The following MNAT1 variants were observed in gnomAD, a reference collection of about 807,000 sequenced individuals.
The protein encoded by MNAT1 is MNAT1 component of CDK activating kinase.
A neutral mutation model predicts 42.0 loss-of-function variants in MNAT1; 43 were observed. The ratio of observed to expected loss-of-function variants is 1.02; its 90% CI spans 0.80 to 1.32. MNAT1 has a LOEUF of 1.32. MNAT1 is among the 40% of genes most tolerant of loss of function. The probability of loss-of-function intolerance (pLI) is 0.00; values close to 1 mark genes in which losing one functional copy is unlikely to be tolerated. For synonymous variants in MNAT1, 118 were observed against 120.0 expected (o/e 0.98, Z 0.11); for missense variants, 306 against 350.4 (o/e 0.87, Z 1.01).
At chr14:60,843,562 G>A (rs1456892925) in intron 6 of MNAT1, among the ~76,000 whole-genome samples, 2 of 152,034 alleles carry the variant, frequency 1.3e-5, no homozygotes, top group Non-Finnish European at 2.9e-5. Context: ...GAGCCACTGC[G>A]TCCGGCCTCG....
intron 7 of MNAT1, among the ~76,000 whole-genome samples, chr14:60,897,964 T>G (rs1032109485): frequency 6.6e-6 from 1 of 152,158 alleles, no homozygotes; most frequent in African/African-American, 2.4e-5. Flanking sequence ...CAAGTTTTTA[T>G]GTGAGTGAGA....
intron 6 of MNAT1, among the ~76,000 whole-genome samples, chr14:60,870,789 T>C (rs373148300): frequency 6.6e-6 from 1 of 152,292 alleles, no homozygotes. Context: ...AAATATACAA[T>C]GTATTGATTG....
intron 3 of MNAT1, 79 bp from the exon 4 acceptor site, chr14:60,808,246 T>G (rs2032438369): frequency 2.5e-6 from 2 of 806,184 alleles, no homozygotes; most frequent in Non-Finnish European, 3.9e-6. Context: ...AATGAGTCAC[T>G]GTGGTATTTG....
chr14:60,791,946 A>G (rs938769310), intron 1 of MNAT1, among the ~76,000 whole-genome samples: 6 of 152,142 alleles, frequency 3.9e-5, no homozygotes, highest in African/African-American at 1.4e-4. Flanking sequence ...GAAGGAGAGA[A>G]AAATAAGAAA....
At chr14:60,959,396 T>C (rs1319544083) in intron 7 of MNAT1, among the ~76,000 whole-genome samples, 1 of 152,194 alleles carries the variant, frequency 6.6e-6, no homozygotes, top group Non-Finnish European at 1.5e-5. Context: ...CATCCTTCTT[T>C]GTTTCCACCC....
At chr14:60,863,910 G>A (rs2034151028) in intron 6 of MNAT1, among the ~76,000 whole-genome samples, 1 of 152,020 alleles carries the variant, frequency 6.6e-6, no homozygotes, top group South Asian at 2.1e-4. Flanking sequence ...GCATTGCCAG[G>A]AATTACTCTT....
Position 60,858,418 on chromosome 14 carries a change from G to GT in MNAT1, c.688-21296_688-21295insT, listed in dbSNP as rs1566798080. 5.5e-4 allele frequency among the ~76,000 whole-genome samples: 82 copies of GT among 149,638 alleles called. 1 individual carries two copies. Among genetic ancestry groups the GT allele is most frequent in the African/African-American group, 1.8e-3 (75 of 40,992 alleles). On this transcript the variant is annotated intron_variant, in intron 6 of 7. Coordinates refer to ENST00000261245, the MANE Select transcript of MNAT1 (RefSeq NM_002431.4). ...TTATCCTTTGCCCACTTTTTGATGG[G>GT]GTTTTTTTTTTTTTTATAAATTTGT...
intron 3 of MNAT1, among the ~76,000 whole-genome samples, chr14:60,803,799 A>C (rs1339674073): frequency 6.6e-6 from 1 of 152,168 alleles, no homozygotes; most frequent in Non-Finnish European, 1.5e-5. Context: ...TTTCATTATG[A>C]ATCTTTTGAA....
At chr14:60,935,227 T>C (rs2035968404) in intron 7 of MNAT1, among the ~76,000 whole-genome samples, 1 of 152,074 alleles carries the variant, frequency 6.6e-6, no homozygotes, top group East Asian at 1.9e-4. Flanking sequence ...ATAGGGGCCA[T>C]ATTTCAGGCA....
chr14:60,815,437 G>C (rs1022497103), intron 5 of MNAT1, among the ~76,000 whole-genome samples: 1 of 152,122 alleles, frequency 6.6e-6, no homozygotes, highest in African/African-American at 2.4e-5. Flanking sequence ...GGCTGGTCAT[G>C]AACTACTGAC....
intron 7 of MNAT1, among the ~76,000 whole-genome samples, chr14:60,946,878 A>G (rs1036663359): frequency 2.6e-5 from 4 of 152,176 alleles, no homozygotes; most frequent in Non-Finnish European, 5.9e-5. Flanking sequence ...ATAGAAGTCT[A>G]TTTCTCATAA....
At chr14:60,830,692 A>G (rs1461528777) in intron 6 of MNAT1, among the ~76,000 whole-genome samples, 4 of 152,016 alleles carry the variant, frequency 2.6e-5, no homozygotes, top group African/African-American at 7.3e-5. Context: ...TTGTGTTACT[A>G]TTATGTAGGA....
chr14:60,901,811 T>C (rs1280253017), intron 7 of MNAT1, among the ~76,000 whole-genome samples: 1 of 152,186 alleles, frequency 6.6e-6, no homozygotes, highest in African/African-American at 2.4e-5. Context: ...AAACTGACTC[T>C]CAGGGATGAG....
intron 6 of MNAT1, among the ~76,000 whole-genome samples, chr14:60,841,489 T>C (rs546898454): frequency 6.6e-6 from 1 of 152,310 alleles, no homozygotes; most frequent in African/African-American, 2.4e-5. Flanking sequence ...TGTTTGGGTC[T>C]TTTTTGCACC....
At chr14:60,774,614 T>C (rs1594743827) in intron 1 of MNAT1, among the ~76,000 whole-genome samples, 1 of 152,186 alleles carries the variant, frequency 6.6e-6, no homozygotes, top group Middle Eastern at 3.4e-3. Context: ...AGGAGAACAG[T>C]TGGGAAATCT....
rs757861265 is a variant in MNAT1 at position 60,938,727 on chromosome 14, C to T, written c.810-29502C>T. 8.6e-4 allele frequency among the ~76,000 whole-genome samples: 131 copies of T among 152,268 alleles called. 1 individual carries two copies. The highest frequency in any genetic ancestry group is 1.5e-3 in the Non-Finnish European group (105 of 68,032). ...TTGTGTCTCTGCCCGGCTTTGGTAT[C>T]AGGATGATGCTGGCCTCATACAATG... On this transcript the variant is annotated intron_variant, in intron 7 of 7. Coordinates refer to ENST00000261245, the MANE Select transcript of MNAT1 (RefSeq NM_002431.4).
intron 7 of MNAT1, among the ~76,000 whole-genome samples, chr14:60,885,779 C>G (rs2139474953): frequency 6.6e-6 from 1 of 151,996 alleles, no homozygotes; most frequent in African/African-American, 2.4e-5. Context: ...TGATGTAGCT[C>G]TATTTGTTTA....
In MNAT1 at chr14:60,767,930, A is replaced by AT. The variant is rs1407416120; in HGVS notation, c.90-28279dup. On this transcript the variant is annotated intron_variant, in intron 1 of 7. Transcript: ENST00000261245. ...AGGCACACGCCACCACACCCAGCTA[A>AT]TTTTTTTTGTGTTTTAGTAGAGACG... Among the ~76,000 whole-genome samples the AT allele has an allele frequency of 6.6e-5, 10 of 151,888 alleles. No individual in the cohort carries two copies. The South Asian group carries it at 1.7e-3, about 25-fold the overall frequency.
intron 6 of MNAT1, among the ~76,000 whole-genome samples, chr14:60,862,780 T>C (rs1361995967): frequency 1.3e-5 from 2 of 152,198 alleles, no homozygotes; most frequent in African/African-American, 4.8e-5. Context: ...ATAATTTCTT[T>C]GGCATCTTGT....
Sources: gnomAD v4.1 joint callset for allele counts (sites outside exome capture counted in the v4.1 genomes callset) on GRCh38, gnomAD v4.1.1 for gene constraint, MANE v1.5 for transcripts, NCBI Gene and HGNC (gene_info 2026-07-23, HGNC 2026-07-21) for gene names.